The following NCALD variants were observed in gnomAD, a reference collection of about 807,000 sequenced individuals.
NCALD encodes the protein neurocalcin-delta.
In NCALD, 10 loss-of-function variants were observed where a neutral mutation model predicts 18.6. The observed-to-expected ratio is 0.54, with a 90% CI of 0.33 to 0.91. The LOEUF (loss-of-function observed/expected upper bound fraction) is 0.91, where lower values mean the gene tolerates loss of function less well. Ranked by LOEUF, NCALD falls within the 40% of genes least tolerant of loss-of-function variation. The probability of loss-of-function intolerance (pLI) is 0.03; values close to 1 mark genes in which losing one functional copy is unlikely to be tolerated. For missense variants in NCALD, 184 were observed against 247.6 expected, an observed-to-expected ratio of 0.74 and a Z score of 1.72; for synonymous variants, 88 against 87.4, an observed-to-expected ratio of 1.01 and a Z score of -0.04.
At chr8:101,975,362 G>A (rs1019527975) in intron 2 of NCALD, 3 of 152,154 alleles carry the variant, frequency 2.0e-5, no homozygotes, top group African/African-American at 7.2e-5. Flanking sequence ...TTGAACTATG[G>A]CTCTCTAAGC....
At chr8:101,709,363 C>G (rs897845139) in intron 2 of NCALD, among the ~76,000 whole-genome samples, 3 of 152,194 alleles carry the variant, frequency 2.0e-5, no homozygotes, top group African/African-American at 7.2e-5. Context: ...CCTTTGGTTC[C>G]TTCTTTATCT....
At chr8:101,741,112 C>A (rs73290689) in intron 1 of NCALD, among the ~76,000 whole-genome samples, 4,095 of 152,306 alleles carry the variant, frequency 0.027, 184 homozygotes, top group African/African-American at 0.092. Flanking sequence ...GTAGATCCTA[C>A]TCCCTGCTAG....
intron 3 of NCALD, among the ~76,000 whole-genome samples, chr8:101,908,317 A>G (rs1339764768): frequency 6.6e-6 from 1 of 152,050 alleles, no homozygotes; most frequent in Non-Finnish European, 1.5e-5. Flanking sequence ...TTCCAGTTTT[A>G]TGTGCTTGGG....
At chr8:102,096,541 G>A (rs1463331078) in intron 1 of NCALD, among the ~76,000 whole-genome samples, 1 of 151,962 alleles carries the variant, frequency 6.6e-6, no homozygotes, top group Non-Finnish European at 1.5e-5. Flanking sequence ...CACAGCAGAT[G>A]GGAAATTGAA....
At chr8:102,004,744 A>T (rs572582500) in intron 2 of NCALD, among the ~76,000 whole-genome samples, 1,883 of 152,220 alleles carry the variant, frequency 0.012, 53 homozygotes, top group African/African-American at 0.04. Context: ...CAACTATCTG[A>T]TCTTTGACAA....
At chr8:101,718,950 C>T (rs1379510697) in intron 2 of NCALD, among the ~76,000 whole-genome samples, 1 of 152,224 alleles carries the variant, frequency 6.6e-6, no homozygotes. Flanking sequence ...ATAATCTAGA[C>T]ATTCCTTTTT....
intron 1 of NCALD, among the ~76,000 whole-genome samples, chr8:102,027,965 A>G (rs1031184923): frequency 2.6e-5 from 4 of 152,152 alleles, no homozygotes; most frequent in African/African-American, 9.7e-5. Context: ...TGATTCAATT[A>G]CCTGACACAA....
intron 2 of NCALD, among the ~76,000 whole-genome samples, chr8:102,008,917 TA>T (rs1821806387): frequency 5.2e-5 from 2 of 38,534 alleles, no homozygotes; most frequent in Non-Finnish European, 9.2e-5. Context: ...CCCGCCCCCC[TA>T]CACACACACA....
chr8:101,913,817 C>A (rs944661681), intron 3 of NCALD, among the ~76,000 whole-genome samples: 13 of 152,120 alleles, frequency 8.5e-5, no homozygotes, highest in Admixed American at 7.2e-4. Flanking sequence ...CCCAACCTCA[C>A]GTGATCTGCC....
At chr8:102,112,243 C>T (rs1024244097) in intron 1 of NCALD, among the ~76,000 whole-genome samples, 1 of 152,064 alleles carries the variant, frequency 6.6e-6, no homozygotes, top group Non-Finnish European at 1.5e-5. Context: ...TTCTACTTAA[C>T]CCTCTCAACC....
At chr8:101,696,108 G>T (rs1447599792) in intron 2 of NCALD, among the ~76,000 whole-genome samples, 1 of 152,012 alleles carries the variant, frequency 6.6e-6, no homozygotes, top group Non-Finnish European at 1.5e-5. Context: ...CATTGCAGAC[G>T]ATCTCAGAGG....
chr8:102,076,931 A>G (rs17506740), intron 1 of NCALD, among the ~76,000 whole-genome samples: 9,243 of 152,230 alleles, frequency 0.061, 410 homozygotes, highest in Non-Finnish European at 0.092. Flanking sequence ...CGTGACTCAC[A>G]CCTGCACAGT....
At chr8:101,840,994 A>T (rs1428591328) in intron 4 of NCALD, among the ~76,000 whole-genome samples, 1 of 152,238 alleles carries the variant, frequency 6.6e-6, no homozygotes, top group African/African-American at 2.4e-5. Flanking sequence ...AGGCCTTATT[A>T]GATTCAGAGC....
chr8:101,806,011 T>C (rs552591279), intron 4 of NCALD, among the ~76,000 whole-genome samples: 1 of 152,220 alleles, frequency 6.6e-6, no homozygotes, highest in South Asian at 2.1e-4. Flanking sequence ...AAGCAGACCA[T>C]ATAACAGAGA....
At chr8:101,965,660 T>C (rs1482716595) in intron 2 of NCALD, among the ~76,000 whole-genome samples, 1 of 152,108 alleles carries the variant, frequency 6.6e-6, no homozygotes, top group Admixed American at 6.5e-5. Context: ...AAATATCTAA[T>C]GTAGACAATG....
At position 101,984,263 on chromosome 8, in the gene NCALD, C is replaced by A. The variant is rs75555963; in HGVS notation, c.-157+35974G>T. ...ATACCACAATTCCAGGTACTGCATC[C>A]AATGGAAAGAGCTCCTGCTTTCAAG... On this transcript the variant is annotated intron_variant, in intron 2 of 6. Transcript: ENST00000311028. 3.3e-5 allele frequency among the ~76,000 whole-genome samples: 5 copies of A among 152,272 alleles called. No individual in the cohort carries two copies. In the East Asian group the frequency reaches 9.6e-4, roughly 29 times the overall value.
At position 101,979,883 on chromosome 8, in the gene NCALD, T is replaced by A. The variant is rs1211176255; in HGVS notation, c.-157+40354A>T. ...CAGTCTAGATGCCCCAGAGACCCTG[T>A]TAGCTTCAAGGAAAGGTGAAAATCA... is the stretch of plus-strand genomic sequence containing the variant. On this transcript the variant is annotated intron_variant, in intron 2 of 6. Transcript: ENST00000311028. Among the ~76,000 whole-genome samples, 4 of 152,204 alleles carry A rather than the reference T, an allele frequency of 2.6e-5. No individual in the cohort carries two copies. In the East Asian group the frequency reaches 5.8e-4, roughly 22 times the overall value.
At chr8:102,036,512 C>G (rs11774180) in intron 1 of NCALD, among the ~76,000 whole-genome samples, 1 of 151,934 alleles carries the variant, frequency 6.6e-6, no homozygotes. Context: ...TGGTGGCTCA[C>G]GCCTGTAATC....
At chr8:101,766,612 G>A (rs576221620) in intron 1 of NCALD, among the ~76,000 whole-genome samples, 1 of 152,194 alleles carries the variant, frequency 6.6e-6, no homozygotes, top group Admixed American at 6.5e-5. Flanking sequence ...TTTTTGAGAT[G>A]GGGTCTGTCT....
Sources: allele counts gnomAD v4.1 joint callset (sites outside exome capture counted in the v4.1 genomes callset), GRCh38; gene constraint gnomAD v4.1.1; transcripts MANE v1.5; gene names NCBI Gene and HGNC (gene_info 2026-07-23, HGNC 2026-07-21).